C1orf115: variants seen among roughly 807,000 people sequenced by gnomAD.
C1orf115 encodes the protein chromosome 1 open reading frame 115.
A neutral mutation model predicts 12.5 loss-of-function variants in C1orf115; 14 were observed. The ratio of observed to expected loss-of-function variants is 1.12; its 90% CI spans 0.74 to 1.75. The LOEUF (loss-of-function observed/expected upper bound fraction) is 1.75, where lower values mean the gene tolerates loss of function less well. C1orf115 is among the 40% of genes most tolerant of loss of function. The probability of loss-of-function intolerance (pLI) is 0.00; values close to 1 mark genes in which losing one functional copy is unlikely to be tolerated. For synonymous variants in C1orf115, 109 were observed against 104.6 expected (o/e 1.04, Z -0.26); for missense variants, 237 against 220.8 (o/e 1.07, Z -0.46).
At chr1:220,693,163 T>G (rs1558343751) in intron 1 of C1orf115, among the ~76,000 whole-genome samples, 1 of 152,198 alleles carries the variant, frequency 6.6e-6, no homozygotes. Flanking sequence ...GATCAAAGAA[T>G]TCCAAATGCA....
At chr1:220,695,076 G>A (rs1282622436) in intron 1 of C1orf115, among the ~76,000 whole-genome samples, 3 of 152,190 alleles carry the variant, frequency 2.0e-5, no homozygotes, top group Middle Eastern at 3.2e-3. Context: ...CACTGGGTCA[G>A]GCAGCATGGG....
intron 1 of C1orf115, among the ~76,000 whole-genome samples, chr1:220,695,449 T>A (rs1265010122): frequency 6.7e-6 from 1 of 149,882 alleles, no homozygotes; most frequent in East Asian, 2.0e-4. Flanking sequence ...CAGGCAGGGC[T>A]GTTGAGAGTG....
intron 1 of C1orf115, among the ~76,000 whole-genome samples, 166 bp from the exon 2 acceptor site, chr1:220,696,446 C>T (rs191220228): frequency 6.6e-6 from 1 of 152,296 alleles, no homozygotes; most frequent in Non-Finnish European, 1.5e-5. Context: ...TGGGCACCTT[C>T]CACCAGAGAT....
rs1158226042 is a variant in C1orf115 at position 220,690,626 on chromosome 1, C to G, written c.224C>G (p.Pro75Arg). 1.3e-6 allele frequency: 2 copies of G among 1,556,582 alleles called. No homozygotes were observed. Among genetic ancestry groups the G allele is most frequent in the Admixed American group, 1.9e-5 (1 of 52,602 alleles). The change falls in exon 1 of 2, where the codon CCC becomes CGC. Residue 75 changes from proline (P) to arginine (R), a missense_variant. Coordinates refer to ENST00000294889, the MANE Select transcript of C1orf115 (RefSeq NM_024709.5). ...CGGAGGGTGCACTTCGCCCTCCTGCCCGAGCGCTACGAGCCACTGGAGGAG... is the reference window on the plus strand; with the variant it reads ...CGGAGGGTGCACTTCGCCCTCCTGCGCGAGCGCTACGAGCCACTGGAGGAG... ...GARRVHFALL[P>R]ERYEPLEEPA...
intron 1 of C1orf115, among the ~76,000 whole-genome samples, chr1:220,693,118 C>T (rs538973115): frequency 6.6e-6 from 1 of 152,192 alleles, no homozygotes; most frequent in Non-Finnish European, 1.5e-5. Flanking sequence ...CCCAGCTCCC[C>T]TCTGAGAGAG....
intron 1 of C1orf115, 110 bp from the exon 2 acceptor site, chr1:220,696,502 A>C: frequency 7.8e-7 from 1 of 1,287,778 alleles, no homozygotes; most frequent in Non-Finnish European, 1.1e-6. Context: ...GAATCAGGAA[A>C]AATGATCTTT....
intron 1 of C1orf115, among the ~76,000 whole-genome samples, chr1:220,692,395 G>A (rs1265271445): frequency 6.6e-6 from 1 of 152,126 alleles, no homozygotes; most frequent in East Asian, 1.9e-4. Context: ...CAACCCAAAT[G>A]TCCCTAAATG....
At chr1:220,695,610 G>T (rs2102517896) in intron 1 of C1orf115, among the ~76,000 whole-genome samples, 1 of 151,566 alleles carries the variant, frequency 6.6e-6, no homozygotes, top group African/African-American at 2.4e-5. Context: ...AAGGGAAAAG[G>T]TATGAGGCAG....
At position 220,696,729 on chromosome 1, in the gene C1orf115, T is replaced by C. The variant is rs2102518388; in HGVS notation, c.427T>C (p.Ter143GlnextTer11). 1.9e-6 allele frequency: 3 copies of C among 1,585,928 alleles called. No homozygotes were observed. The highest frequency in any genetic ancestry group is 1.7e-4 in the Middle Eastern group (1 of 5,970). The change falls in exon 2 of 2, where the codon TAA becomes CAA. Residue 143 changes from the stop codon to glutamine, a stop_lost. Transcript: ENST00000294889. ...CACCAGCGTGGTATCCTTCGTGCGC[T>C]AATGGGAGCTGCTGTGGCAGGTGCC... is the stretch of plus-strand genomic sequence containing the variant. Reference protein sequence around the residue: ...VATSVVSFVR* With the variant: ...VATSVVSFVRQ
At chr1:220,693,194 A>C (rs1371819851) in intron 1 of C1orf115, among the ~76,000 whole-genome samples, 1 of 152,180 alleles carries the variant, frequency 6.6e-6, no homozygotes, top group Non-Finnish European at 1.5e-5. Flanking sequence ...TGACACTGAA[A>C]TAGTGGTTGA....
In C1orf115 at chr1:220,696,619, G is replaced by C. The variant is rs763806580; in HGVS notation, c.317G>C (p.Gly106Ala). 6.3e-6 allele frequency: 10 copies of C among 1,586,052 alleles called. 1 individual carries two copies. Among genetic ancestry groups the C allele is most frequent in the Non-Finnish European group, 7.8e-6 (9 of 1,157,160 alleles). Reference protein sequence around the residue: ...RKLKKYGKNVGKVIIKGCRYV... With the variant: ...RKLKKYGKNVAKVIIKGCRYV... The stretch of plus-strand genomic sequence containing the variant: ...TTTTATTCCTAACACTAGAATGTCG[G>C]GAAGGTCATCATCAAAGGATGCCGC... Residue 106 changes from glycine to alanine, a missense_variant, in exon 2 of 2, where the codon GGG (glycine) becomes GCG (alanine). Transcript: ENST00000294889.
At chr1:220,692,242 A>C (rs1333971585) in intron 1 of C1orf115, among the ~76,000 whole-genome samples, 3 of 152,240 alleles carry the variant, frequency 2.0e-5, no homozygotes, top group Non-Finnish European at 4.4e-5. Flanking sequence ...GGAGTTCCTT[A>C]AAAAGTTCAG....
intron 1 of C1orf115, among the ~76,000 whole-genome samples, chr1:220,692,025 CTG>C (rs1429583172): frequency 1.3e-5 from 2 of 152,188 alleles, no homozygotes; most frequent in African/African-American, 4.8e-5. Context: ...GACATGAAAA[CTG>C]GGCACAGAAG....
chr1:220,693,041 C>T (rs1278232678), intron 1 of C1orf115, among the ~76,000 whole-genome samples: 1 of 152,106 alleles, frequency 6.6e-6, no homozygotes, highest in African/African-American at 2.4e-5. Flanking sequence ...CTTGGAGCCA[C>T]CTGAGAGGGT....
Position 220,696,823 on chromosome 1 carries a change from C to G in C1orf115, c.*92C>G, listed in dbSNP as rs1670203288. 1 of 1,431,296 alleles carries G rather than the reference C, an allele frequency of 7.0e-7. No homozygotes were observed. Among genetic ancestry groups the G allele is most frequent in the Non-Finnish European group, 9.4e-7 (1 of 1,063,666 alleles). The allele number at this position is 1,431,296 out of a possible 1,614,324, so 88.7% of individuals were successfully genotyped here. ...CTGGAGCATCTCAGACTTGAACACACAGCATATTTGGAAGAGAAAACATGC... is the reference window on the plus strand; with the variant it reads ...CTGGAGCATCTCAGACTTGAACACAGAGCATATTTGGAAGAGAAAACATGC... On this transcript the variant is annotated 3_prime_UTR_variant, in exon 2 of 2. Transcript: ENST00000294889.
chr1:220,690,422 T>A lies in C1orf115; in HGVS notation c.20T>A (p.Leu7His), dbSNP rs1201733439. The change falls in exon 1 of 2, where the codon CTC becomes CAC. Residue 7 changes from leucine (L) to histidine (H), a missense_variant. Leu to His is a moderately conservative substitution (Grantham distance 99). Coordinates refer to ENST00000294889, the MANE Select transcript of C1orf115 (RefSeq NM_024709.5). Reference protein sequence around the residue: MTVGARLRSKAESSLLR... With the variant: MTVGARHRSKAESSLLR... Reference sequence around the variant, plus strand: ...GACATCATGACGGTGGGAGCCAGGCTCCGAAGCAAGGCGGAGAGCAGCCTC... The same window carrying A: ...GACATCATGACGGTGGGAGCCAGGCACCGAAGCAAGGCGGAGAGCAGCCTC... 2 of 1,437,224 alleles carry A rather than the reference T, an allele frequency of 1.4e-6. No homozygotes were observed. The highest frequency in any genetic ancestry group is 1.5e-5 in the African/African-American group (1 of 66,650). 89.0% of individuals were successfully genotyped at this position (1,437,224 alleles called of 1,614,324 possible).
chr1:220,690,634 T>C lies in C1orf115; in HGVS notation c.232T>C (p.Tyr78His). ...GCACTTCGCCCTCCTGCCCGAGCGC[T>C]ACGAGCCACTGGAGGAGCCGGCGCC... ...RVHFALLPER[Y>H]EPLEEPAPSE... is the part of the protein sequence containing the mutation. The change falls in exon 1 of 2, where the codon TAC becomes CAC. Residue 78 changes from tyrosine to histidine, a missense_variant. Tyr to His is a moderately conservative substitution (Grantham distance 83). Transcript: ENST00000294889. 3 of 1,569,850 alleles carry C rather than the reference T, an allele frequency of 1.9e-6. No individual in the cohort carries two copies. The highest frequency in any genetic ancestry group is 2.6e-6 in the Non-Finnish European group (3 of 1,160,680).
rs909505909 is a variant in C1orf115 at position 220,698,328 on chromosome 1, A to C, written c.*1597A>C. On this transcript the variant is annotated 3_prime_UTR_variant, in exon 2 of 2. Coordinates refer to ENST00000294889, the MANE Select transcript of C1orf115 (RefSeq NM_024709.5). ...AGGAAGGGGTAGAGGAGAAGGTTGA[A>C]GCTGTGGAGCTAGACTCTGCTTCAC... The C allele has an allele frequency of 6.6e-6, 1 of 152,270 alleles. No homozygotes were observed. Among genetic ancestry groups the C allele is most frequent in the African/African-American group, 2.4e-5 (1 of 41,462 alleles). The allele number at this position is 152,270 out of a possible 1,614,324, so 9.4% of individuals were successfully genotyped here. A position where few individuals can be genotyped will look rare whatever the true frequency, so the allele number is the denominator to read the frequency against.
chr1:220,696,959 T>C lies in C1orf115; in HGVS notation c.*228T>C. ...ACCCAGTGGTCAATCCTGCAGAGAA[T>C]TCGGCGGAGGTTAGGTTTGGGAGTG... On this transcript the variant is annotated 3_prime_UTR_variant, in exon 2 of 2. Coordinates refer to ENST00000294889, the MANE Select transcript of C1orf115 (RefSeq NM_024709.5). The C allele has an allele frequency of 2.1e-6, 1 of 465,584 alleles. No homozygotes were observed. The highest frequency in any genetic ancestry group is 3.9e-5 in the East Asian group (1 of 25,530). 28.8% of individuals were successfully genotyped at this position (465,584 alleles called of 1,614,324 possible). A position where few individuals can be genotyped will look rare whatever the true frequency, so the allele number is the denominator to read the frequency against.
Sources: allele counts gnomAD v4.1 joint callset (sites outside exome capture counted in the v4.1 genomes callset), GRCh38; gene constraint gnomAD v4.1.1; transcripts MANE v1.5; gene names NCBI Gene and HGNC (gene_info 2026-07-23, HGNC 2026-07-21).